Variants in RBFOX3 observed in about 807,000 individuals in gnomAD.
The protein encoded by RBFOX3 is RNA binding protein fox-1 homolog 3.
Under a neutral mutation model 48.7 loss-of-function variants are expected in RBFOX3, and 17 were observed. That is an observed-to-expected ratio of 0.35 (90% CI 0.24 to 0.52). The LOEUF is 0.52. Ranked by LOEUF, RBFOX3 falls within the 20% of genes least tolerant of loss-of-function variation. The pLI, the probability that RBFOX3 is intolerant of heterozygous loss-of-function variation, is 0.94. For synonymous variants in RBFOX3, 212 were observed against 209.5 expected (o/e 1.01, Z -0.10); for missense variants, 382 against 497.5 (o/e 0.77, Z 2.21).
intron 1 of RBFOX3, among the ~76,000 whole-genome samples, chr17:79,546,905 G>A (rs1438433698): frequency 6.6e-6 from 1 of 151,656 alleles, no homozygotes; most frequent in Admixed American, 6.6e-5. Context: ...CCCAACTTCA[G>A]GTGATCCACC....
At chr17:79,221,905 G>C (rs761331163) in intron 4 of RBFOX3, among the ~76,000 whole-genome samples, 10 of 152,214 alleles carry the variant, frequency 6.6e-5, no homozygotes, top group Non-Finnish European at 1.0e-4. Flanking sequence ...AGCGGGGAAG[G>C]GTGGAGGTGC....
intron 1 of RBFOX3, among the ~76,000 whole-genome samples, chr17:79,547,598 A>AACAC (rs1162240013): frequency 3.9e-5 from 6 of 152,122 alleles, no homozygotes; most frequent in Admixed American, 3.9e-4. Context: ...CACCCAAACA[A>AACAC]ACACACACCC....
intron 1 of RBFOX3, among the ~76,000 whole-genome samples, chr17:79,549,647 C>T (rs2090934172): frequency 6.6e-6 from 1 of 152,208 alleles, no homozygotes; most frequent in Admixed American, 6.5e-5. Context: ...AGGCCTGAGG[C>T]CTTCCTGTGG....
intron 4 of RBFOX3, among the ~76,000 whole-genome samples, chr17:79,138,666 A>ACACACAGCACATGCG (rs2040882247): frequency 4.3e-5 from 1 of 23,334 alleles, no homozygotes; most frequent in African/African-American, 1.2e-4. Context: ...CAGCACATGC[A>ACACACAGCACATGCG]TTCACACCCT....
At chr17:79,408,319 C>T (rs1598564149) in intron 2 of RBFOX3, among the ~76,000 whole-genome samples, 1 of 152,180 alleles carries the variant, frequency 6.6e-6, no homozygotes. Context: ...GTGGGAGGGT[C>T]GGGCAGCCCC....
At chr17:79,389,410 C>T (rs937666500) in intron 2 of RBFOX3, among the ~76,000 whole-genome samples, 2 of 152,216 alleles carry the variant, frequency 1.3e-5, no homozygotes, top group African/African-American at 4.8e-5. Flanking sequence ...GTCAGTAATG[C>T]TGCAGCTGGT....
intron 2 of RBFOX3, among the ~76,000 whole-genome samples, chr17:79,328,724 C>T (rs1164546535): frequency 6.6e-6 from 1 of 152,208 alleles, no homozygotes; most frequent in Non-Finnish European, 1.5e-5. Flanking sequence ...GGGGGAGTAT[C>T]TCTCTCCACC....
chr17:79,175,538 T>C (rs180780037), intron 4 of RBFOX3, among the ~76,000 whole-genome samples: 22 of 152,228 alleles, frequency 1.4e-4, no homozygotes, highest in Admixed American at 5.2e-4. Flanking sequence ...CACTGGAGTG[T>C]GATGAAGCAG....
At chr17:79,485,566 C>T (rs35489654) in intron 1 of RBFOX3, among the ~76,000 whole-genome samples, 44,020 of 152,064 alleles carry the variant, frequency 0.29, 7,878 homozygotes, top group Non-Finnish European at 0.4. Flanking sequence ...CACATCCCCC[C>T]AGAGGCTGAG....
rs2084179405 is a variant in RBFOX3 at position 79,511,410 on chromosome 17, C to T, written c.-319-28812G>A. ...ACAGTTTAGGGATGATCGTCCTGCC[C>T]ATGAGGCTCTTGGTCTTGCAGAGGA... is the stretch of plus-strand genomic sequence containing the variant. On this transcript the variant is annotated intron_variant, in intron 1 of 14. Transcript: ENST00000693108. Among the ~76,000 whole-genome samples the T allele has an allele frequency of 2.6e-5, 4 of 152,144 alleles. No homozygotes were observed. In the South Asian group the frequency reaches 8.3e-4, roughly 31 times the overall value.
chr17:79,438,433 G>A (rs1319224807), intron 2 of RBFOX3, among the ~76,000 whole-genome samples: 2 of 152,244 alleles, frequency 1.3e-5, no homozygotes, highest in African/African-American at 4.8e-5. Context: ...CAAATGATGA[G>A]CTTCAGCCTC....
chr17:79,504,291 G>A (rs1416285433), intron 1 of RBFOX3, among the ~76,000 whole-genome samples: 7 of 152,338 alleles, frequency 4.6e-5, no homozygotes, highest in East Asian at 3.9e-4. Context: ...CTCCCTCGCC[G>A]AGTCAGAGAT....
chr17:79,500,324 C>A (rs1007688345), intron 1 of RBFOX3, among the ~76,000 whole-genome samples: 1 of 136,218 alleles, frequency 7.3e-6, no homozygotes, highest in East Asian at 2.3e-4. Context: ...AGGGTGCAAT[C>A]TCGGCTCACT....
the RBFOX3 span, among the ~76,000 whole-genome samples, chr17:79,625,539 C>G: frequency 6.6e-6 from 1 of 152,110 alleles, no homozygotes; most frequent in Non-Finnish European, 1.5e-5. Context: ...ACCTGTAATC[C>G]CAGCATTTTG....
rs868958330 is a variant in RBFOX3, at chr17:79,470,899, A to G, written c.-175+11555T>C. ...TTCTGGAGTCTTCCGGGGAAAATGT[A>G]TACCTCCAGGGAAATGCTGTGTGCC... On this transcript the variant is annotated intron_variant, in intron 2 of 14. Coordinates refer to ENST00000693108, the MANE Select transcript of RBFOX3 (RefSeq NM_001350451.2). Among the ~76,000 whole-genome samples the G allele has an allele frequency of 5.1e-3, 769 of 152,244 alleles. 8 individuals are homozygous for G. Among genetic ancestry groups the G allele is most frequent in the African/African-American group, 0.018 (734 of 41,524 alleles).
At chr17:79,511,845 C>G (rs1484596588) in intron 1 of RBFOX3, among the ~76,000 whole-genome samples, 1 of 149,368 alleles carries the variant, frequency 6.7e-6, no homozygotes, top group Non-Finnish European at 1.5e-5. Flanking sequence ...CCATCGGGTA[C>G]AGCCCCATGG....
rs1379005186 is a variant in RBFOX3, at chr17:79,390,120, C to T, written c.-174-82296G>A. On this transcript the variant is annotated intron_variant, in intron 2 of 14. Transcript: ENST00000693108. This position sits in a 1 kb window ranked among gnomAD's most constrained non-coding sequence, Gnocchi z 4.2. ...GGGTCTCCGTAGCCAGCCACCCGGC[C>T]GAGGGGCTGGGTCCACAGAGGAGGA... Among the ~76,000 whole-genome samples the T allele has an allele frequency of 1.3e-5, 2 of 152,072 alleles. No individual in the cohort carries two copies. The highest frequency in any genetic ancestry group is 2.1e-4 in the South Asian group (1 of 4,808).
intron 1 of RBFOX3, among the ~76,000 whole-genome samples, chr17:79,560,478 G>T (rs1241768614): frequency 6.6e-6 from 1 of 152,182 alleles, no homozygotes; most frequent in Non-Finnish European, 1.5e-5. Flanking sequence ...AGGTACTCAA[G>T]AAACAGCAAT....
In RBFOX3 at chr17:79,242,704, CT is replaced by C. The variant is rs1458491784; in HGVS notation, c.-73-6900del. The stretch of plus-strand genomic sequence containing the variant: ...GCCATCACAGTAGTCCCTGGAGTGG[CT>C]TTGGGTTCTGAGCACACTGCCCATA... On this transcript the variant is annotated intron_variant, in intron 3 of 14. Coordinates refer to ENST00000693108, the MANE Select transcript of RBFOX3 (RefSeq NM_001350451.2). The surrounding 1 kb of genome is among the most constrained non-coding windows in gnomAD (Gnocchi z 5.8). Among the ~76,000 whole-genome samples, 3 of 152,102 alleles carry C rather than the reference CT, an allele frequency of 2.0e-5. No individual in the cohort carries two copies. The highest frequency in any genetic ancestry group is 2.9e-5 in the Non-Finnish European group (2 of 68,012).
Sources: allele counts gnomAD v4.1 joint callset (sites outside exome capture counted in the v4.1 genomes callset), GRCh38; gene constraint gnomAD v4.1.1; non-coding constraint Gnocchi (gnomAD v3.1); transcripts MANE v1.5; gene names NCBI Gene and HGNC (gene_info 2026-07-23, HGNC 2026-07-21).